SYNDIG1L: variants seen among roughly 807,000 people sequenced by gnomAD.
The protein encoded by SYNDIG1L is synapse differentiation inducing 1 like.
Under a neutral mutation model 20.1 loss-of-function variants are expected in SYNDIG1L, and 13 were observed. The ratio of observed to expected loss-of-function variants is 0.65; its 90% CI spans 0.42 to 1.03. The LOEUF (loss-of-function observed/expected upper bound fraction) is 1.03, where lower values mean the gene tolerates loss of function less well. Ranked by LOEUF, SYNDIG1L falls within the 50% of genes least tolerant of loss-of-function variation. The pLI is 0.00. For missense variants in SYNDIG1L, 294 were observed against 305.1 expected (o/e 0.96, Z 0.27); for synonymous variants, 128 against 129.3 (o/e 0.99, Z 0.07).
the SYNDIG1L span, among the ~76,000 whole-genome samples, chr14:74,437,045 G>T: frequency 1.3e-5 from 2 of 152,250 alleles, no homozygotes; most frequent in Non-Finnish European, 2.9e-5. Flanking sequence ...CTGGGAGGAG[G>T]TTGGGGGTGT....
chr14:74,476,516 G>A, the SYNDIG1L span: 6 of 1,535,508 alleles, frequency 3.9e-6, no homozygotes, highest in South Asian at 1.2e-5. Context: ...CAGGCTCTTA[G>A]TCTCCATTTG....
At chr14:74,416,402 G>A (rs1223386386) in intron 1 of SYNDIG1L, among the ~76,000 whole-genome samples, 1 of 152,174 alleles carries the variant, frequency 6.6e-6, no homozygotes, top group Admixed American at 6.5e-5. Context: ...GGGAGGCCAA[G>A]GTGGGTGGAT....
the SYNDIG1L span, among the ~76,000 whole-genome samples, chr14:74,468,083 A>T: frequency 6.6e-6 from 1 of 151,614 alleles, no homozygotes; most frequent in Non-Finnish European, 1.5e-5. Context: ...GGCCCGCCAA[A>T]CTCCTTGTTC....
chr14:74,409,274 G>A (rs1210617472), intron 2 of SYNDIG1L, 54 bp downstream of exon 2: 4 of 1,289,806 alleles, frequency 3.1e-6, no homozygotes, highest in Non-Finnish European at 4.1e-6. Flanking sequence ...TGTAGAGTCG[G>A]GGTCTCCTTG....
chr14:74,424,209 C>T (rs994074986), intron 1 of SYNDIG1L, among the ~76,000 whole-genome samples: 2 of 152,110 alleles, frequency 1.3e-5, no homozygotes, highest in African/African-American at 4.8e-5. Flanking sequence ...AATATCAGGG[C>T]TTGAAATCTT....
the SYNDIG1L span, among the ~76,000 whole-genome samples, chr14:74,457,286 C>T: frequency 6.6e-6 from 1 of 152,092 alleles, no homozygotes; most frequent in Non-Finnish European, 1.5e-5. Flanking sequence ...TTTCCCACAG[C>T]CCTTGCCTCC....
chr14:74,414,209 C>T (rs188925475), intron 1 of SYNDIG1L, among the ~76,000 whole-genome samples: 2 of 152,188 alleles, frequency 1.3e-5, no homozygotes, highest in East Asian at 1.9e-4. Flanking sequence ...TGAGTGTGCC[C>T]ACACTCGTGT....
In SYNDIG1L at chr14:74,407,467, T is replaced by C; in HGVS notation, c.*68A>G. ...TCAGGGGCCGGGCCTTTCCATAGGG[T>C]CTGCAACTCCAAGCCCCACTGCTTC... On this transcript the variant is annotated 3_prime_UTR_variant, in exon 4 of 4. Coordinates refer to ENST00000331628, the MANE Select transcript of SYNDIG1L (RefSeq NM_001105579.2). 1.1e-5 allele frequency: 18 copies of C among 1,598,776 alleles called. No individual in the cohort carries two copies. In the South Asian group the frequency reaches 1.9e-4, roughly 17 times the overall value.
At chr14:74,431,862 C>T in the SYNDIG1L span, among the ~76,000 whole-genome samples, 4 of 152,198 alleles carry the variant, frequency 2.6e-5, no homozygotes. Context: ...AAGGCTGAGC[C>T]TTTCAATATG....
chr14:74,427,430 C>T (rs1040247442), upstream of SYNDIG1L, among the ~76,000 whole-genome samples: 4 of 152,040 alleles, frequency 2.6e-5, no homozygotes, highest in African/African-American at 9.7e-5. Flanking sequence ...CTCCTTCACT[C>T]CCACAGGATG....
intron 1 of SYNDIG1L, among the ~76,000 whole-genome samples, chr14:74,423,473 C>G (rs567181385): frequency 6.6e-6 from 1 of 152,296 alleles, no homozygotes; most frequent in South Asian, 2.1e-4. Flanking sequence ...CTTGCCAGTG[C>G]TGCACCAACA....
upstream of SYNDIG1L, among the ~76,000 whole-genome samples, chr14:74,427,618 T>C (rs1158337669): frequency 2.0e-5 from 3 of 152,160 alleles, no homozygotes; most frequent in Non-Finnish European, 2.9e-5. Context: ...AATATATTAT[T>C]GCTCTTCCTG....
chr14:74,454,723 G>A, the SYNDIG1L span, among the ~76,000 whole-genome samples: 1 of 152,188 alleles, frequency 6.6e-6, no homozygotes, highest in East Asian at 1.9e-4. Context: ...TTATAGAACA[G>A]CTGCCTTCAG....
chr14:74,446,615 CT>C, the SYNDIG1L span, among the ~76,000 whole-genome samples: 476 of 139,216 alleles, frequency 3.4e-3, 7 homozygotes, highest in South Asian at 0.033. Context: ...TATGTGCTGG[CT>C]TTTTTTTTTT....
chr14:74,477,458 T>C, the SYNDIG1L span, among the ~76,000 whole-genome samples: 1 of 152,160 alleles, frequency 6.6e-6, no homozygotes, highest in Non-Finnish European at 1.5e-5. Context: ...AACAAGCTGT[T>C]TTTATCAACC....
the SYNDIG1L span, among the ~76,000 whole-genome samples, chr14:74,450,554 ATCT>A: frequency 6.6e-6 from 1 of 152,156 alleles, no homozygotes; most frequent in African/African-American, 2.4e-5. Flanking sequence ...AGTGTAATTC[ATCT>A]TCTTAATAAC....
At chr14:74,467,942 G>T in the SYNDIG1L span, among the ~76,000 whole-genome samples, 1 of 151,972 alleles carries the variant, frequency 6.6e-6, no homozygotes, top group Non-Finnish European at 1.5e-5. Flanking sequence ...TTTGTCTGAG[G>T]TCCCAAGGTC....
the SYNDIG1L span, among the ~76,000 whole-genome samples, chr14:74,477,396 G>A: frequency 6.6e-6 from 1 of 151,774 alleles, no homozygotes; most frequent in Non-Finnish European, 1.5e-5. Context: ...TCTCTTAGTT[G>A]ACCTCACCTA....
the SYNDIG1L span, among the ~76,000 whole-genome samples, chr14:74,445,524 T>TA: frequency 5.3e-5 from 8 of 152,004 alleles, no homozygotes; most frequent in Non-Finnish European, 1.2e-4. Context: ...TTCTAGGCTG[T>TA]AGTGCAGTGG....
Sources: allele counts gnomAD v4.1 joint callset (sites outside exome capture counted in the v4.1 genomes callset), GRCh38; gene constraint gnomAD v4.1.1; transcripts MANE v1.5; gene names NCBI Gene and HGNC (gene_info 2026-07-23, HGNC 2026-07-21).